The following SLCO6A1 variants were observed in gnomAD, a reference collection of about 807,000 sequenced individuals.
The protein encoded by SLCO6A1 is cancer/testis antigen 48.
Under a neutral mutation model 72.7 loss-of-function variants are expected in SLCO6A1, and 65 were observed. The ratio of observed to expected loss-of-function variants is 0.89; its 90% confidence interval spans 0.73 to 1.10. SLCO6A1 has a LOEUF of 1.10. SLCO6A1 is among the 50% of genes least tolerant of loss of function. SLCO6A1 has a pLI of 0.00. For synonymous variants in SLCO6A1, 314 were observed against 298.2 expected (o/e 1.05, Z -0.55); for missense variants, 874 against 872.6 (o/e 1.00, Z -0.02).
chr5:102,480,368 A>G lies in SLCO6A1; in HGVS notation c.425T>C (p.Ile142Thr), dbSNP rs374830810. 2 of 1,613,540 alleles carry G rather than the reference A, an allele frequency of 1.2e-6. No homozygotes were observed. Among genetic ancestry groups the G allele is most frequent in the Non-Finnish European group, 8.5e-7 (1 of 1,179,670 alleles). Residue 142 changes from isoleucine to threonine, a missense_variant, in exon 2 of 14, where the codon ATT (isoleucine) becomes ACT (threonine). Coordinates refer to ENST00000506729, the MANE Select transcript of SLCO6A1 (RefSeq NM_173488.5). ...ACTCTTTTCCAATGCCAACTTCTCA[A>G]TGGTTTTCAGTTGATATTCCTTCTG... ...DFQKEYQLKT[I>T]EKLALEKSYD... is the part of the protein sequence containing the mutation.
chr5:102,392,964 G>A (rs1179917500), intron 10 of SLCO6A1, among the ~76,000 whole-genome samples: 5 of 151,958 alleles, frequency 3.3e-5, no homozygotes, highest in African/African-American at 7.2e-5. Flanking sequence ...ATTTGTTTAC[G>A]CACTTCTCAA....
chr5:102,390,887 A>T, intron 11 of SLCO6A1, 94 bp downstream of exon 11: 1 of 1,053,594 alleles, frequency 9.5e-7, no homozygotes, highest in Non-Finnish European at 1.4e-6. Flanking sequence ...TGTGTCATTT[A>T]CTATTATTTA....
At chr5:102,444,144 T>G (rs1245293123) in intron 6 of SLCO6A1, among the ~76,000 whole-genome samples, 1 of 152,130 alleles carries the variant, frequency 6.6e-6, no homozygotes, top group African/African-American at 2.4e-5. Context: ...GTATAAAGGC[T>G]GCAGAAAAGT....
At chr5:102,459,871 GAGGGAGGGTTGGAGAGTGAGAC>G in intron 4 of SLCO6A1, 94 bp from the exon 5 acceptor site, 1 of 1,132,720 alleles carries the variant, frequency 8.8e-7, no homozygotes, top group Non-Finnish European at 1.2e-6. Flanking sequence ...GAGAGTGAGA[GAGGGAGGGTTGGAGAGTGAGAC>G]AGAAATGGAA....
At chr5:102,493,221 A>T (rs1370976431) in intron 1 of SLCO6A1, among the ~76,000 whole-genome samples, 1 of 152,218 alleles carries the variant, frequency 6.6e-6, no homozygotes, top group Non-Finnish European at 1.5e-5. Flanking sequence ...AAAACTGTAG[A>T]ACAATACTCG....
chr5:102,455,534 C>T (rs1415841525), intron 6 of SLCO6A1, among the ~76,000 whole-genome samples: 1 of 152,064 alleles, frequency 6.6e-6, no homozygotes, highest in African/African-American at 2.4e-5. Context: ...AGATTTTCTT[C>T]ATTTAATATT....
At chr5:102,498,350 A>C (rs958552011) in intron 1 of SLCO6A1, 137 bp downstream of exon 1, 8 of 771,092 alleles carry the variant, frequency 1.0e-5, no homozygotes, top group Non-Finnish European at 1.7e-5. Flanking sequence ...TTGAGAAGTC[A>C]GAAAGCAGCC....
At chr5:102,468,159 G>A (rs1751403110) in intron 4 of SLCO6A1, among the ~76,000 whole-genome samples, 1 of 152,044 alleles carries the variant, frequency 6.6e-6, no homozygotes. Context: ...TCCTTTTGGA[G>A]TAGATTTCCA....
intron 6 of SLCO6A1, among the ~76,000 whole-genome samples, chr5:102,448,273 G>T (rs906352492): frequency 1.3e-5 from 2 of 152,142 alleles, no homozygotes; most frequent in Non-Finnish European, 2.9e-5. Context: ...AATTTGTTAA[G>T]AATTGCTTTA....
chr5:102,432,159 C>T (rs1007559317), intron 7 of SLCO6A1, among the ~76,000 whole-genome samples: 1 of 152,136 alleles, frequency 6.6e-6, no homozygotes, highest in Admixed American at 6.5e-5. Flanking sequence ...TTCTTGAAGA[C>T]AGCATATCAT....
chr5:102,375,811 A>G (rs530738724), intron 12 of SLCO6A1, among the ~76,000 whole-genome samples: 1 of 152,260 alleles, frequency 6.6e-6, no homozygotes, highest in East Asian at 1.9e-4. Context: ...GTGATCACAC[A>G]TATATTAAAT....
chr5:102,379,347 C>T (rs907289731), intron 12 of SLCO6A1, among the ~76,000 whole-genome samples: 2 of 152,062 alleles, frequency 1.3e-5, no homozygotes, highest in African/African-American at 4.8e-5. Flanking sequence ...GTTCTTCCTA[C>T]TCCAAGGTCA....
At chr5:102,488,053 C>T (rs561963163) in intron 1 of SLCO6A1, among the ~76,000 whole-genome samples, 19 of 152,150 alleles carry the variant, frequency 1.2e-4, no homozygotes, top group South Asian at 2.1e-4. Context: ...CTGGCATAAA[C>T]GGGAGCTGTT....
intron 9 of SLCO6A1, among the ~76,000 whole-genome samples, chr5:102,401,490 A>G (rs1403403889): frequency 6.6e-6 from 1 of 152,176 alleles, no homozygotes; most frequent in Non-Finnish European, 1.5e-5. Context: ...CAAGGGTAAA[A>G]GCAGATAAAA....
intron 11 of SLCO6A1, among the ~76,000 whole-genome samples, 198 bp from the exon 12 acceptor site, chr5:102,389,023 C>G (rs567762570): frequency 6.6e-6 from 1 of 152,144 alleles, no homozygotes; most frequent in Non-Finnish European, 1.5e-5. Context: ...CCATATCCCT[C>G]TAGGTATGAA....
intron 4 of SLCO6A1, among the ~76,000 whole-genome samples, chr5:102,464,214 C>T (rs183191040): frequency 5.3e-5 from 8 of 151,814 alleles, no homozygotes; most frequent in Admixed American, 1.3e-4. Context: ...GAACTTCTTA[C>T]GCAAGAAAGA....
chr5:102,423,240 T>C (rs6871070), intron 7 of SLCO6A1, among the ~76,000 whole-genome samples: 98,354 of 151,974 alleles, frequency 0.65, 32,034 homozygotes, highest in African/African-American at 0.67. Flanking sequence ...TCCAGCTATC[T>C]TCATGATGAC....
intron 9 of SLCO6A1, among the ~76,000 whole-genome samples, chr5:102,402,527 C>T (rs1221376811): frequency 6.6e-6 from 1 of 152,060 alleles, no homozygotes; most frequent in Non-Finnish European, 1.5e-5. Context: ...GACTGAGTAA[C>T]TTATTTCTCA....
chr5:102,453,328 AC>A (rs1456595230), intron 6 of SLCO6A1, among the ~76,000 whole-genome samples: 2 of 130,634 alleles, frequency 1.5e-5, no homozygotes, highest in African/African-American at 2.8e-5. Flanking sequence ...ACAGAGTGAG[AC>A]CCTGCCTCAA....
Sources: gnomAD v4.1 joint callset for allele counts (sites outside exome capture counted in the v4.1 genomes callset) on GRCh38, gnomAD v4.1.1 for gene constraint, MANE v1.5 for transcripts, NCBI Gene and HGNC (gene_info 2026-07-23, HGNC 2026-07-21) for gene names.